Variants in CNTNAP2 observed in about 807,000 individuals in gnomAD.
The protein encoded by CNTNAP2 is contactin-associated protein-like 2.
In CNTNAP2, 98 loss-of-function variants were observed where a neutral mutation model predicts 155.2. The observed-to-expected ratio is 0.63, with a 90% confidence interval of 0.54 to 0.75. The LOEUF is 0.75. Among genes scored for constraint, CNTNAP2 ranks in the 30% least tolerant of loss-of-function variants. The pLI is 0.00. For synonymous variants in CNTNAP2, 651 were observed against 631.2 expected, an observed-to-expected ratio of 1.03 and a Z score of -0.47; for missense variants, 1,727 against 1,688.1, an observed-to-expected ratio of 1.02 and a Z score of -0.40.
chr7:148,338,812 G>A (rs1364196687), intron 21 of CNTNAP2, among the ~76,000 whole-genome samples: 2 of 152,150 alleles, frequency 1.3e-5, no homozygotes, highest in African/African-American at 4.8e-5. Context: ...AGGAGGGAGT[G>A]AGAGAAGAAG....
chr7:147,086,257 G>C (rs571068324), intron 4 of CNTNAP2, among the ~76,000 whole-genome samples: 1 of 152,108 alleles, frequency 6.6e-6, no homozygotes, highest in Admixed American at 6.5e-5. Flanking sequence ...GAGGTTTGAA[G>C]AATAAATGAG....
intron 8 of CNTNAP2, among the ~76,000 whole-genome samples, chr7:147,143,843 A>G (rs1416608717): frequency 6.6e-6 from 1 of 152,210 alleles, no homozygotes; most frequent in Non-Finnish European, 1.5e-5. Context: ...GAAAGCGTGT[A>G]TACATTTGCC....
rs1024635680 is a variant in CNTNAP2, at chr7:147,644,907, T to A, written c.2098+5601T>A. On this transcript the variant is annotated intron_variant, in intron 13 of 23. Coordinates refer to ENST00000361727, the MANE Select transcript of CNTNAP2 (RefSeq NM_014141.6). ...TTCCTTACATATATATTTATTTAAT[T>A]GTAGAGATAAAAAGTTATCTTCCCT... Among the ~76,000 whole-genome samples, 5 of 152,298 alleles carry A rather than the reference T, an allele frequency of 3.3e-5. No homozygotes were observed. The South Asian group carries it at 1.0e-3, about 32-fold the overall frequency.
chr7:146,528,822 GAC>G (rs1209851786), intron 1 of CNTNAP2, among the ~76,000 whole-genome samples: 1 of 152,084 alleles, frequency 6.6e-6, no homozygotes, highest in African/African-American at 2.4e-5. Context: ...AAGAGAGAGA[GAC>G]AGTGATATGC....
intron 13 of CNTNAP2, among the ~76,000 whole-genome samples, chr7:147,883,604 T>C (rs1226146367): frequency 2.0e-5 from 3 of 152,208 alleles, no homozygotes; most frequent in Non-Finnish European, 4.4e-5. Context: ...TTTAATCAAC[T>C]GACACTGGGA....
intron 1 of CNTNAP2, among the ~76,000 whole-genome samples, chr7:146,232,297 T>A: frequency 2.5e-5 from 1 of 40,514 alleles, no homozygotes; most frequent in Admixed American, 3.2e-4. Flanking sequence ...ATATATTAAA[T>A]AATATATAAT....
At chr7:147,903,380 CAGAT>C (rs749889702) in intron 13 of CNTNAP2, among the ~76,000 whole-genome samples, 181 bp from the exon 14 acceptor site, 2 of 152,072 alleles carry the variant, frequency 1.3e-5, no homozygotes, top group Non-Finnish European at 2.9e-5. Context: ...AGTCCTTTGT[CAGAT>C]AGATAGACTG....
At chr7:147,789,227 T>C (rs185067952) in intron 13 of CNTNAP2, among the ~76,000 whole-genome samples, 3 of 152,196 alleles carry the variant, frequency 2.0e-5, no homozygotes, top group Non-Finnish European at 1.5e-5. Flanking sequence ...CACTTTAACA[T>C]TAGAAACGAA....
intron 10 of CNTNAP2, among the ~76,000 whole-genome samples, chr7:147,402,173 A>G (rs932628287): frequency 6.6e-6 from 1 of 152,180 alleles, no homozygotes; most frequent in Non-Finnish European, 1.5e-5. Flanking sequence ...ATCTCAGTCA[A>G]AGGTAAACTT....
chr7:148,061,419 T>G (rs1803126847), intron 15 of CNTNAP2, among the ~76,000 whole-genome samples: 1 of 152,138 alleles, frequency 6.6e-6, no homozygotes, highest in South Asian at 2.1e-4. Context: ...AGTGGCATGA[T>G]CTTGGCTCAG....
At chr7:148,286,701 A>T (rs759305802) in intron 21 of CNTNAP2, among the ~76,000 whole-genome samples, 1 of 152,232 alleles carries the variant, frequency 6.6e-6, no homozygotes. Context: ...TATTAATTAA[A>T]CAAAGTGACT....
chr7:146,519,242 G>A (rs921654383), intron 1 of CNTNAP2, among the ~76,000 whole-genome samples: 4 of 151,738 alleles, frequency 2.6e-5, no homozygotes, highest in African/African-American at 9.7e-5. Flanking sequence ...AGGGAAATTT[G>A]TATCTCTCAA....
chr7:146,834,608 T>G (rs1439580234), intron 2 of CNTNAP2, among the ~76,000 whole-genome samples: 2 of 152,198 alleles, frequency 1.3e-5, no homozygotes, highest in Admixed American at 1.3e-4. Flanking sequence ...AAGAGTTCCA[T>G]AACAAGTATA....
At chr7:146,934,528 G>A (rs931859059) in intron 3 of CNTNAP2, among the ~76,000 whole-genome samples, 2 of 151,864 alleles carry the variant, frequency 1.3e-5, no homozygotes, top group East Asian at 3.9e-4. Context: ...CAGCACACTA[G>A]CATGGCACAT....
At chr7:147,508,271 C>G (rs1798950350) in intron 11 of CNTNAP2, among the ~76,000 whole-genome samples, 1 of 152,096 alleles carries the variant, frequency 6.6e-6, no homozygotes, top group South Asian at 2.1e-4. Flanking sequence ...GCCCCCTGTC[C>G]CCCATTCCAA....
chr7:147,278,458 A>G (rs1804953255), intron 8 of CNTNAP2, among the ~76,000 whole-genome samples: 1 of 151,796 alleles, frequency 6.6e-6, no homozygotes, highest in Non-Finnish European at 1.5e-5. Flanking sequence ...CTGTTGAATG[A>G]GTAAAATCAT....
intron 14 of CNTNAP2, among the ~76,000 whole-genome samples, chr7:147,934,129 G>A (rs1399093499): frequency 6.6e-6 from 1 of 152,206 alleles, no homozygotes; most frequent in African/African-American, 2.4e-5. Context: ...ATACAACGTA[G>A]TGCTTACGGT....
intron 18 of CNTNAP2, among the ~76,000 whole-genome samples, chr7:148,216,023 A>G (rs1193580195): frequency 6.6e-6 from 1 of 152,196 alleles, no homozygotes; most frequent in African/African-American, 2.4e-5. Flanking sequence ...TGCATGGGCG[A>G]TGGAGTGTGG....
intron 11 of CNTNAP2, among the ~76,000 whole-genome samples, chr7:147,540,425 CT>C (rs1799619205): frequency 6.6e-6 from 1 of 152,172 alleles, no homozygotes; most frequent in Non-Finnish European, 1.5e-5. Context: ...GTTATTCAAA[CT>C]CCCAATTTAA....
Sources: gnomAD v4.1 joint callset for allele counts (sites outside exome capture counted in the v4.1 genomes callset) on GRCh38, gnomAD v4.1.1 for gene constraint, MANE v1.5 for transcripts, NCBI Gene and HGNC (gene_info 2026-07-23, HGNC 2026-07-21) for gene names.